Variants in UBAP2L observed in about 807,000 individuals in gnomAD.
UBAP2L encodes the protein ubiquitin associated protein 2 like.
A neutral mutation model predicts 130.6 loss-of-function variants in UBAP2L; 12 were observed. The ratio of observed to expected loss-of-function variants is 0.09; its 90% CI spans 0.06 to 0.15. The LOEUF is 0.15. Ranked by LOEUF, UBAP2L falls within the 10% of genes least tolerant of loss-of-function variation. The pLI is 1.00. For synonymous variants in UBAP2L, 503 were observed against 524.7 expected (o/e 0.96, Z 0.57); for missense variants, 965 against 1,332.5 (o/e 0.72, Z 4.29).
In UBAP2L at chr1:154,249,221, C is replaced by T; in HGVS notation, c.1015-18C>T. On this transcript the variant is annotated intron_variant, in intron 11 of 26. Coordinates refer to ENST00000428931, the MANE Select transcript of UBAP2L (RefSeq NM_014847.4). Reference sequence around the variant, plus strand: ...GTTACTGGCTGTAGGTTTCTCTCATCTCTTTGTTGATCTACAGGTGAGCAT... The same window carrying T: ...GTTACTGGCTGTAGGTTTCTCTCATTTCTTTGTTGATCTACAGGTGAGCAT... The T allele has an allele frequency of 6.2e-7, 1 of 1,613,322 alleles. No homozygotes were observed. The highest frequency in any genetic ancestry group is 8.5e-7 in the Non-Finnish European group (1 of 1,179,390).
At chr1:154,261,383 G>A (rs1681482605) in intron 23 of UBAP2L, among the ~76,000 whole-genome samples, 1 of 152,162 alleles carries the variant, frequency 6.6e-6, no homozygotes, top group Non-Finnish European at 1.5e-5. Context: ...TGCTGCCATT[G>A]TCCCTTTTTC....
chr1:154,226,635 C>T (rs529064558), intron 2 of UBAP2L, among the ~76,000 whole-genome samples: 4 of 152,226 alleles, frequency 2.6e-5, no homozygotes, highest in South Asian at 2.1e-4. Context: ...AAGAGGATGG[C>T]GTTGGTTATT....
At chr1:154,240,023 G>A (rs1672996514) in intron 8 of UBAP2L, among the ~76,000 whole-genome samples, 2 of 152,182 alleles carry the variant, frequency 1.3e-5, no homozygotes, top group Non-Finnish European at 2.9e-5. Context: ...ATGTTTAGAA[G>A]AATTTTAGAT....
chr1:154,238,555 C>G (rs1192191410), intron 8 of UBAP2L, among the ~76,000 whole-genome samples: 1 of 151,998 alleles, frequency 6.6e-6, no homozygotes. Flanking sequence ...CAGTAAGGAT[C>G]TGGTTGGAAA....
rs761187218 is a variant in UBAP2L at position 154,234,609 on chromosome 1, G to A, written c.298G>A (p.Gly100Arg). 4 of 1,613,944 alleles carry A rather than the reference G, an allele frequency of 2.5e-6. No individual in the cohort carries two copies. Among genetic ancestry groups the A allele is most frequent in the Non-Finnish European group, 1.7e-6 (2 of 1,179,962 alleles). Residue 100 changes from glycine to arginine, a missense_variant, in exon 5 of 27, where the codon GGG (glycine) becomes AGG (arginine). Transcript: ENST00000428931. ...TCTATAGCATTCCTGGGAGATGGTC[G>A]GGAAGAAGAAGGGAGTCTCAGGCCA... ...NPDTHSWEMV[G>R]KKKGVSGQKD...
intron 4 of UBAP2L, among the ~76,000 whole-genome samples, chr1:154,230,014 C>A (rs1038878140): frequency 6.6e-6 from 1 of 152,040 alleles, no homozygotes; most frequent in Non-Finnish European, 1.5e-5. Flanking sequence ...ACCACCATAC[C>A]CAGCTAATTT....
intron 4 of UBAP2L, 75 bp downstream of exon 4, chr1:154,228,800 G>T: frequency 8.8e-7 from 1 of 1,131,638 alleles, no homozygotes; most frequent in Non-Finnish European, 1.3e-6. Flanking sequence ...AGTAGCAAAT[G>T]GCAACATACC....
intron 6 of UBAP2L, among the ~76,000 whole-genome samples, chr1:154,235,555 G>A (rs967795940): frequency 6.6e-6 from 1 of 152,076 alleles, no homozygotes; most frequent in African/African-American, 2.4e-5. Flanking sequence ...TGTCACCCAG[G>A]CTGGAGTGCA....
chr1:154,227,204 G>T, intron 2 of UBAP2L, 78 bp from the exon 3 acceptor site: 1 of 1,261,976 alleles, frequency 7.9e-7, no homozygotes, highest in South Asian at 1.2e-5. Context: ...TGGGGCAGTG[G>T]AGGCTGACGA....
At chr1:154,264,370 G>A (rs990684146) in intron 24 of UBAP2L, among the ~76,000 whole-genome samples, 19 of 152,122 alleles carry the variant, frequency 1.2e-4, no homozygotes, top group African/African-American at 4.6e-4. Flanking sequence ...CACTGTTTGG[G>A]GATAAGTAGG....
chr1:154,261,477 T>G, intron 23 of UBAP2L, 115 bp from the exon 24 acceptor site: 2 of 973,260 alleles, frequency 2.1e-6, no homozygotes, highest in Non-Finnish European at 3.3e-6. Flanking sequence ...CAAACTGTAG[T>G]CAACTTGCAT....
At chr1:154,237,216 C>A in intron 8 of UBAP2L, 80 bp downstream of exon 8, 2 of 1,275,256 alleles carry the variant, frequency 1.6e-6, no homozygotes, top group Non-Finnish European at 1.1e-6. Flanking sequence ...TACATTAAAA[C>A]GTGGAAGAAT....
At chr1:154,233,825 G>A (rs1004012559) in intron 4 of UBAP2L, among the ~76,000 whole-genome samples, 1 of 149,318 alleles carries the variant, frequency 6.7e-6, no homozygotes, top group Non-Finnish European at 1.5e-5. Context: ...TGGTATGAAT[G>A]ATGCTATAAA....
At chr1:154,253,769 C>T (rs1174943711) in intron 14 of UBAP2L, 131 bp from the exon 15 acceptor site, 19 of 881,742 alleles carry the variant, frequency 2.2e-5, no homozygotes, top group South Asian at 5.4e-5. Flanking sequence ...GTAGATTCTT[C>T]TATTTGTTGC....
upstream of UBAP2L, chr1:154,220,213 G>C (rs1271359485): frequency 1.0e-5 from 12 of 1,148,660 alleles, 1 homozygote; most frequent in Admixed American, 2.1e-4. Context: ...ACCTACTCCT[G>C]GAATAAGGAG....
intron 25 of UBAP2L, among the ~76,000 whole-genome samples, chr1:154,268,326 G>A (rs930052166): frequency 3.9e-5 from 6 of 152,120 alleles, no homozygotes; most frequent in Middle Eastern, 3.4e-3. Context: ...CAAGTAGCTG[G>A]ATTACAGGCG....
chr1:154,245,408 A>G (rs992022843), intron 10 of UBAP2L, among the ~76,000 whole-genome samples: 3 of 152,188 alleles, frequency 2.0e-5, no homozygotes, highest in Admixed American at 6.5e-5. Flanking sequence ...GCTCAAGTAT[A>G]TATTATACCA....
chr1:154,236,446 G>A (rs757566052), intron 6 of UBAP2L, 120 bp from the exon 7 acceptor site: 86 of 1,012,842 alleles, frequency 8.5e-5, no homozygotes, highest in Non-Finnish European at 2.5e-5. Context: ...CAATCCGCCC[G>A]CCCTCAGCCT....
Position 154,255,733 on chromosome 1 carries a change from G to A in UBAP2L, c.2135G>A (p.Arg712His), listed in dbSNP as rs766006008. 45 of 1,614,110 alleles carry A rather than the reference G, an allele frequency of 2.8e-5. No individual in the cohort carries two copies. The highest frequency in any genetic ancestry group is 3.8e-5 in the Non-Finnish European group (45 of 1,180,032). ...CTTTCATCATCAACATCTTCTGGGC[G>A]CACTTCGACATCCACTCTTTTGGTA... ...NTLSSSTSSG[R>H]TSTSTLLHTS... Residue 712 changes from arginine (R) to histidine (H), a missense_variant, in exon 18 of 27, where the codon CGC becomes CAC. Physicochemically the swap from Arg to His is conservative, Grantham distance 29 (BLOSUM62 0). Around this residue, in one of 9 missense-constraint regions of UBAP2L, gnomAD observed 393 missense variants for 408.1 expected, o/e 0.96. Coordinates refer to ENST00000428931, the MANE Select transcript of UBAP2L (RefSeq NM_014847.4).
Sources: gnomAD v4.1 joint callset for allele counts (sites outside exome capture counted in the v4.1 genomes callset) on GRCh38, gnomAD v4.1.1 for gene constraint, gnomAD v4.1.1 regional missense constraint, MANE v1.5 for transcripts, NCBI Gene and HGNC (gene_info 2026-07-23, HGNC 2026-07-21) for gene names.